CACNA1D: variants seen among roughly 807,000 people sequenced by gnomAD.
The protein encoded by CACNA1D is calcium voltage-gated channel subunit alpha1 D, also known as voltage-dependent L-type calcium channel subunit alpha-1D.
In CACNA1D, 55 loss-of-function variants were observed where a neutral mutation model predicts 257.1. That is an observed-to-expected ratio of 0.21 (90% CI 0.17 to 0.27). The LOEUF (loss-of-function observed/expected upper bound fraction) is 0.27, where lower values mean the gene tolerates loss of function less well. Among genes scored for constraint, CACNA1D ranks in the 10% least tolerant of loss-of-function variants. The pLI is 1.00. For missense variants in CACNA1D, 1,876 were observed against 2,784.0 expected (o/e 0.67, Z 7.34); for synonymous variants, 980 against 1,014.9 (o/e 0.97, Z 0.65).
intron 3 of CACNA1D, among the ~76,000 whole-genome samples, chr3:53,602,584 G>C (rs886573579): frequency 5.9e-5 from 9 of 152,122 alleles, no homozygotes; most frequent in African/African-American, 1.7e-4. Flanking sequence ...AGTGTGTGAG[G>C]GTTCCCCTTT....
chr3:53,800,968 T>G lies in CACNA1D; in HGVS notation c.5041-90T>G. On this transcript the variant is annotated intron_variant, in intron 41 of 47. Transcript: ENST00000350061. This position sits in a 1 kb window ranked among gnomAD's most constrained non-coding sequence, Gnocchi z 4.3. ...GATCCTACGGAGCTTGCCTAGAATT[T>G]GTTTTTCATGTAGAAAAAGTTACCT... 1 of 1,297,384 alleles carries G rather than the reference T, an allele frequency of 7.7e-7. No individual in the cohort carries two copies. Among genetic ancestry groups the G allele is most frequent in the Non-Finnish European group, 1.1e-6 (1 of 895,786 alleles). 80.4% of individuals were successfully genotyped at this position (1,297,384 alleles called of 1,614,324 possible). A position where few individuals can be genotyped will look rare whatever the true frequency, so the allele number is the denominator to read the frequency against.
At chr3:53,572,987 A>C (rs1042624446) in intron 3 of CACNA1D, among the ~76,000 whole-genome samples, 7 of 152,214 alleles carry the variant, frequency 4.6e-5, no homozygotes, top group African/African-American at 1.7e-4. Flanking sequence ...CACACTGGCC[A>C]TATCAGCATC....
chr3:53,671,734 A>AT (rs1473517230), intron 7 of CACNA1D, among the ~76,000 whole-genome samples: 1 of 152,170 alleles, frequency 6.6e-6, no homozygotes, highest in African/African-American at 2.4e-5. Context: ...ATGTTAGGTA[A>AT]TTTTTTTTAA....
chr3:53,642,375 T>C (rs1457421060), intron 3 of CACNA1D, among the ~76,000 whole-genome samples: 1 of 152,174 alleles, frequency 6.6e-6, no homozygotes. Flanking sequence ...ACCCGGTTGG[T>C]GTGGGTTGGA....
chr3:53,664,548 C>T (rs1457031466), intron 5 of CACNA1D, among the ~76,000 whole-genome samples: 1 of 152,244 alleles, frequency 6.6e-6, no homozygotes, highest in Admixed American at 6.5e-5. Flanking sequence ...CCACTAACCA[C>T]CAATCAAGAC....
chr3:53,761,741 C>G (rs549395736), intron 29 of CACNA1D, among the ~76,000 whole-genome samples: 20 of 150,518 alleles, frequency 1.3e-4, no homozygotes, highest in African/African-American at 4.7e-4. Flanking sequence ...CACTCAGGAC[C>G]GTGAGTGTGT....
intron 4 of CACNA1D, among the ~76,000 whole-genome samples, chr3:53,658,427 T>C (rs1266518079): frequency 6.6e-6 from 1 of 152,212 alleles, no homozygotes; most frequent in Non-Finnish European, 1.5e-5. Flanking sequence ...CTCTCTGACT[T>C]GGCCTCTTTG....
Position 53,810,228 on chromosome 3 carries a change from T to C in CACNA1D, c.6122T>C (p.Leu2041Pro). The C allele has an allele frequency of 6.2e-7, 1 of 1,613,982 alleles. No homozygotes were observed. The highest frequency in any genetic ancestry group is 8.5e-7 in the Non-Finnish European group (1 of 1,180,036). The change falls in exon 47 of 48, where the codon CTG (leucine) becomes CCG (proline). Residue 2041 changes from leucine to proline, a missense_variant. Leu to Pro is a moderately conservative substitution (Grantham distance 98). Transcript: ENST00000350061. ...ISYRTFTPAS[L>P]TVPSSFRNKN... is the part of the protein sequence containing the mutation. Reference sequence around the variant, plus strand: ...TACCGGACTTTCACACCAGCCAGCCTGACTGTCCCCAGCAGCTTCCGGAAC... The same window carrying C: ...TACCGGACTTTCACACCAGCCAGCCCGACTGTCCCCAGCAGCTTCCGGAAC...
At chr3:53,670,090 G>T (rs978846103) in intron 7 of CACNA1D, among the ~76,000 whole-genome samples, 2 of 152,104 alleles carry the variant, frequency 1.3e-5, no homozygotes, top group Non-Finnish European at 2.9e-5. Context: ...TCTTTTCTCA[G>T]TGCACACTCC....
intron 29 of CACNA1D, among the ~76,000 whole-genome samples, chr3:53,759,833 A>G (rs2108933306): frequency 6.6e-6 from 1 of 152,368 alleles, no homozygotes; most frequent in East Asian, 1.9e-4. Flanking sequence ...TTACAACCTG[A>G]GGCTAGCTCT....
chr3:53,775,816 TC>T (rs1576630481), intron 34 of CACNA1D, 69 bp from the exon 35 acceptor site: 1 of 1,456,876 alleles, frequency 6.9e-7, no homozygotes, highest in East Asian at 2.3e-5. Context: ...TGAGTTTTTC[TC>T]CCCTAAGATC....
intron 39 of CACNA1D, among the ~76,000 whole-genome samples, chr3:53,784,017 G>A (rs2095439876): frequency 6.6e-6 from 1 of 152,166 alleles, no homozygotes; most frequent in African/African-American, 2.4e-5. Flanking sequence ...GCTTGTCTTG[G>A]GTGGCTTCGC....
intron 3 of CACNA1D, among the ~76,000 whole-genome samples, chr3:53,613,107 A>C (rs540023531): frequency 5.9e-5 from 9 of 152,324 alleles, no homozygotes; most frequent in Middle Eastern, 3.4e-3. Flanking sequence ...CTTCTGTGCA[A>C]ACACCACAGA....
In CACNA1D at chr3:53,624,819, C is replaced by T. The variant is rs1444779409; in HGVS notation, c.484-25960C>T. ...GGAGTGGACTTGTCCAGGTGGTATC[C>T]GTGGGATTGTGTAGGGGCAAACAGC... is the stretch of plus-strand genomic sequence containing the variant. On this transcript the variant is annotated intron_variant, in intron 3 of 47. Coordinates refer to ENST00000350061, the MANE Select transcript of CACNA1D (RefSeq NM_001128840.3). 3.3e-5 allele frequency among the ~76,000 whole-genome samples: 5 copies of T among 152,216 alleles called. No homozygotes were observed. The South Asian group carries it at 1.0e-3, about 32-fold the overall frequency.
Position 53,774,653 on chromosome 3 carries a change from C to T in CACNA1D, c.4177C>T (p.Pro1393Ser). 6.2e-7 allele frequency: 1 copy of T among 1,612,132 alleles called. No homozygotes were observed. Among genetic ancestry groups the T allele is most frequent in the Non-Finnish European group, 8.5e-7 (1 of 1,178,192 alleles). ...TAGGAACAATAACTTCCAGACGTTT[C>T]CCCAGGCGGTGCTGCTGCTCTTCAG... The part of the protein sequence containing the change: ...INRNNNFQTF[P>S]QAVLLLFRCA... The change falls in exon 34 of 48, where the codon CCC becomes TCC. Residue 1393 changes from proline (P) to serine (S), a missense_variant. Coordinates refer to ENST00000350061, the MANE Select transcript of CACNA1D (RefSeq NM_001128840.3). The surrounding 1 kb of genome is among the most constrained non-coding windows in gnomAD (Gnocchi z 4.3).
At chr3:53,584,037 G>A (rs2093174094) in intron 3 of CACNA1D, among the ~76,000 whole-genome samples, 1 of 152,126 alleles carries the variant, frequency 6.6e-6, no homozygotes, top group Admixed American at 6.5e-5. Context: ...ATATAGGTGG[G>A]GTCTGGACAT....
intron 44 of CACNA1D, 80 bp downstream of exon 44, chr3:53,803,652 G>T (rs78079551): frequency 6.9e-7 from 1 of 1,443,492 alleles, no homozygotes; most frequent in African/African-American, 1.4e-5. Flanking sequence ...CAGGGCCACC[G>T]GCAGCTGCAC....
chr3:53,643,166 T>C (rs1352320102), intron 3 of CACNA1D, among the ~76,000 whole-genome samples: 1 of 152,188 alleles, frequency 6.6e-6, no homozygotes, highest in East Asian at 1.9e-4. Context: ...TGAAGAAAGA[T>C]GAGGGCAAAC....
rs149241472 is a variant in CACNA1D, at chr3:53,646,582, C to T, written c.484-4197C>T. ...AGAGGGCCCCTTTCAATAGAGAATC[C>T]AGGACTGCAGGGCACAGAAGGAATG... is the stretch of plus-strand genomic sequence containing the variant. On this transcript the variant is annotated intron_variant, in intron 3 of 47. Coordinates refer to ENST00000350061, the MANE Select transcript of CACNA1D (RefSeq NM_001128840.3). Among the ~76,000 whole-genome samples the T allele has an allele frequency of 4.4e-3, 668 of 152,208 alleles. 7 individuals are homozygous for T. The highest frequency in any genetic ancestry group is 0.016 in the African/African-American group (644 of 41,526).
Sources: allele counts gnomAD v4.1 joint callset (sites outside exome capture counted in the v4.1 genomes callset), GRCh38; gene constraint gnomAD v4.1.1; non-coding constraint Gnocchi (gnomAD v3.1); transcripts MANE v1.5; gene names NCBI Gene and HGNC (gene_info 2026-07-23, HGNC 2026-07-21).